The following LGR6 variants were observed in gnomAD, a reference collection of about 807,000 sequenced individuals.
LGR6 encodes leucine rich repeat containing G protein-coupled receptor 6.
A neutral mutation model predicts 69.4 loss-of-function variants in LGR6; 45 were observed. The ratio of observed to expected loss-of-function variants is 0.65; its 90% confidence interval spans 0.51 to 0.83. The LOEUF is 0.83. Ranked by LOEUF, LGR6 falls within the 40% of genes least tolerant of loss-of-function variation. LGR6 has a pLI of 0.00. For synonymous variants in LGR6, 538 were observed against 555.0 expected, an observed-to-expected ratio of 0.97 and a Z score of 0.43; for missense variants, 1,108 against 1,246.7, an observed-to-expected ratio of 0.89 and a Z score of 1.68.
intron 1 of LGR6, among the ~76,000 whole-genome samples, chr1:202,198,770 G>T (rs1209300128): frequency 6.6e-6 from 1 of 151,132 alleles, no homozygotes; most frequent in Non-Finnish European, 1.5e-5. Flanking sequence ...CCCTTACATG[G>T]TCTAGACGGG....
chr1:202,227,665 A>G (rs186581458), intron 2 of LGR6, among the ~76,000 whole-genome samples: 2 of 152,258 alleles, frequency 1.3e-5, no homozygotes, highest in African/African-American at 4.8e-5. Context: ...AGGCTCTGCC[A>G]TGGACTGGTT....
At chr1:202,203,217 T>C (rs1057219569) in intron 1 of LGR6, among the ~76,000 whole-genome samples, 1 of 152,130 alleles carries the variant, frequency 6.6e-6, no homozygotes, top group Non-Finnish European at 1.5e-5. Flanking sequence ...TGAGTTATTA[T>C]TGGCTCCTGA....
chr1:202,283,296 A>G (rs1333946333), intron 6 of LGR6, among the ~76,000 whole-genome samples: 1 of 152,066 alleles, frequency 6.6e-6, no homozygotes, highest in Admixed American at 6.5e-5. Flanking sequence ...TGTGTTCTTT[A>G]TCCTCTGTTC....
chr1:202,238,150 G>A (rs905076933), intron 4 of LGR6, among the ~76,000 whole-genome samples: 1 of 152,078 alleles, frequency 6.6e-6, no homozygotes, highest in African/African-American at 2.4e-5. Flanking sequence ...AGGCTGGAGT[G>A]CAGTGACCTG....
At chr1:202,305,581 C>T in intron 11 of LGR6, 103 bp from the exon 12 acceptor site, 2 of 954,040 alleles carry the variant, frequency 2.1e-6, no homozygotes, top group South Asian at 2.7e-5. Flanking sequence ...CAGCCTTCAG[C>T]TAATTGACAG....
rs1654447605 is a variant in LGR6, at chr1:202,319,288, A to G, written c.*81A>G. On this transcript the variant is annotated 3_prime_UTR_variant, in exon 18 of 18. Transcript: ENST00000367278. The stretch of plus-strand genomic sequence containing the variant: ...TGAATGATGGCTGCTTCTAAAACAA[A>G]TACAACCAAAACTCAGCAGTGTGAT... The G allele has an allele frequency of 7.1e-7, 1 of 1,407,104 alleles. No homozygotes were observed. The highest frequency in any genetic ancestry group is 2.7e-5 in the Admixed American group (1 of 36,872). The allele number at this position is 1,407,104 out of a possible 1,614,324, so 87.2% of individuals were successfully genotyped here. A position where few individuals can be genotyped will look rare whatever the true frequency, so the allele number is the denominator to read the frequency against.
intron 5 of LGR6, among the ~76,000 whole-genome samples, chr1:202,280,187 C>T (rs1271627253): frequency 6.6e-6 from 1 of 152,038 alleles, no homozygotes; most frequent in Admixed American, 6.5e-5. Flanking sequence ...TCCCCCTTTG[C>T]CTGGAATGCC....
intron 4 of LGR6, among the ~76,000 whole-genome samples, chr1:202,243,643 A>C (rs1204279685): frequency 6.6e-6 from 1 of 152,140 alleles, no homozygotes; most frequent in African/African-American, 2.4e-5. Context: ...TGAAGCCGGG[A>C]TGGAGCTGAG....
At chr1:202,202,419 A>G (rs1658869432) in intron 1 of LGR6, among the ~76,000 whole-genome samples, 1 of 152,206 alleles carries the variant, frequency 6.6e-6, no homozygotes, top group Non-Finnish European at 1.5e-5. Flanking sequence ...CAGCCATCCC[A>G]AGGGATAGGA....
At chr1:202,235,480 T>TA (rs1165314063) in intron 3 of LGR6, among the ~76,000 whole-genome samples, 1 of 152,184 alleles carries the variant, frequency 6.6e-6, no homozygotes, top group Non-Finnish European at 1.5e-5. Context: ...AGGGCAGCCT[T>TA]ATCCTCATCC....
At chr1:202,309,955 C>G (rs561628276) in intron 15 of LGR6, among the ~76,000 whole-genome samples, 2 of 152,226 alleles carry the variant, frequency 1.3e-5, no homozygotes, top group African/African-American at 4.8e-5. Context: ...TTCCCCATCT[C>G]ACTTGCCAAG....
rs1663743109 is a variant in LGR6, at chr1:202,256,042, A to G, written c.428+20049A>G. ...CCTTACTCATTAGCAGTCACTCTCT[A>G]TCTCATCTTCCCCCAGCCCCTGACA... On this transcript the variant is annotated intron_variant, in intron 4 of 17. Transcript: ENST00000367278. Among the ~76,000 whole-genome samples the G allele has an allele frequency of 2.0e-5, 3 of 152,260 alleles. No homozygotes were observed. In the South Asian group the frequency reaches 6.2e-4, roughly 32 times the overall value.
intron 4 of LGR6, chr1:202,236,377 C>T (rs745336751): frequency 8.2e-6 from 2 of 244,578 alleles, no homozygotes; most frequent in East Asian, 2.2e-4. Flanking sequence ...CTCTACCTAG[C>T]CTGCTCTTGC....
At chr1:202,300,053 C>G (rs1053908916) in intron 7 of LGR6, among the ~76,000 whole-genome samples, 1 of 152,210 alleles carries the variant, frequency 6.6e-6, no homozygotes, top group African/African-American at 2.4e-5. Flanking sequence ...GTTGACACTT[C>G]TGTTTCTTTA....
chr1:202,253,564 A>G (rs555590637), intron 4 of LGR6, among the ~76,000 whole-genome samples: 2 of 151,530 alleles, frequency 1.3e-5, no homozygotes, highest in South Asian at 2.1e-4. Flanking sequence ...CGGCCTCCCA[A>G]AGTGCTGGGA....
At chr1:202,239,488 T>G (rs1043112929) in intron 4 of LGR6, among the ~76,000 whole-genome samples, 5 of 151,924 alleles carry the variant, frequency 3.3e-5, no homozygotes, top group Non-Finnish European at 7.4e-5. Context: ...GATTTGGACT[T>G]TATTCTTAAG....
intron 1 of LGR6, among the ~76,000 whole-genome samples, chr1:202,223,859 A>C: frequency 7.4e-6 from 1 of 135,734 alleles, no homozygotes; most frequent in East Asian, 2.8e-4. Context: ...AAAAGGCACC[A>C]GCCCCTCTCC....
At chr1:202,303,637 G>A (rs964103470) in intron 10 of LGR6, among the ~76,000 whole-genome samples, 2 of 152,238 alleles carry the variant, frequency 1.3e-5, no homozygotes, top group Non-Finnish European at 2.9e-5. Context: ...TACACTGAGG[G>A]TTGAAGTGAT....
intron 3 of LGR6, 76 bp from the exon 4 acceptor site, chr1:202,235,846 C>A: frequency 7.7e-7 from 1 of 1,305,362 alleles, no homozygotes; most frequent in South Asian, 1.2e-5. Context: ...ACTGGGGGTT[C>A]AAGGGAGGAG....
Sources: gnomAD v4.1 joint callset for allele counts (sites outside exome capture counted in the v4.1 genomes callset) on GRCh38, gnomAD v4.1.1 for gene constraint, MANE v1.5 for transcripts, NCBI Gene and HGNC (gene_info 2026-07-23, HGNC 2026-07-21) for gene names.